Variants in COL24A1 observed in about 807,000 individuals in gnomAD.
COL24A1 encodes the protein collagen alpha-1(XXIV) chain.
Under a neutral mutation model 253.9 loss-of-function variants are expected in COL24A1, and 224 were observed. That is an observed-to-expected ratio of 0.88 (90% CI 0.79 to 0.99). The LOEUF (loss-of-function observed/expected upper bound fraction) is 0.99, where lower values mean the gene tolerates loss of function less well. Ranked by LOEUF, COL24A1 falls within the 50% of genes least tolerant of loss-of-function variation. The pLI is 0.00. For missense variants in COL24A1, 2,131 were observed against 2,068.5 expected (o/e 1.03, Z -0.59); for synonymous variants, 685 against 673.7 (o/e 1.02, Z -0.26).
intron 2 of COL24A1, among the ~76,000 whole-genome samples, chr1:86,143,410 G>A (rs1048806357): frequency 2.0e-5 from 3 of 151,962 alleles, no homozygotes; most frequent in Non-Finnish European, 4.4e-5. Context: ...AGAACATAAA[G>A]CAAACAGAAA....
chr1:85,971,114 C>T (rs625872), intron 21 of COL24A1, among the ~76,000 whole-genome samples: 113,330 of 151,848 alleles, frequency 0.75, 43,229 homozygotes, highest in African/African-American at 0.9. Context: ...GAGGGTGAGG[C>T]AGGAGGATTG....
Position 85,950,067 on chromosome 1 carries a change from A to T in COL24A1, c.2562+11182T>A, listed in dbSNP as rs575882464. 5.7e-4 allele frequency among the ~76,000 whole-genome samples: 87 copies of T among 152,318 alleles called. 1 individual carries two copies. The Middle Eastern group carries it at 0.017, about 30-fold the overall frequency. ...CTCCACATTATTCAAGGTCCTGCTC[A>T]AGAGCTGACTCTTCTTCAAAGCCCT... On this transcript the variant is annotated intron_variant, in intron 24 of 59. Transcript: ENST00000370571.
In COL24A1 at chr1:86,033,895, CCT is replaced by C; in HGVS notation, c.1977_1978del (p.Gly660ProfsTer5). The C allele has an allele frequency of 1.3e-6, 2 of 1,597,046 alleles. No individual in the cohort carries two copies. Among genetic ancestry groups the C allele is most frequent in the Non-Finnish European group, 1.7e-6 (2 of 1,173,138 alleles). On this transcript the variant is annotated frameshift_variant, in exon 13 of 60. Coordinates refer to ENST00000370571, the MANE Select transcript of COL24A1 (RefSeq NM_152890.7). LOFTEE classifies it high-confidence loss of function. ...AGGACTGCCATCAAGACCAGCAGGG[CCT>C]CTGTCTCCAAAGTCACCTGGAAAAC...
intron 57 of COL24A1, among the ~76,000 whole-genome samples, chr1:85,743,040 CCT>C (rs967996325): frequency 6.6e-6 from 1 of 152,078 alleles, no homozygotes; most frequent in African/African-American, 2.4e-5. Context: ...TACCTCTACC[CCT>C]GTCTTCCTGA....
rs139627267 is a variant in COL24A1, at chr1:86,125,373, A to G, written c.963T>C (p.Asn321=). ...RSQLSSLQSG[N]VSAVDLTNHG... ...GGTTTGTGAGATCCACAGCAGAGAC[A>G]TTTCCTGACTGAAGAGAAGATAACT... The change falls in exon 3 of 60, where the codon AAT becomes AAC. Residue 321 remains asparagine, a synonymous_variant. Transcript: ENST00000370571. 12 of 1,613,668 alleles carry G rather than the reference A, an allele frequency of 7.4e-6. No homozygotes were observed. The African/African-American group carries it at 1.2e-4, about 16-fold the overall frequency.
chr1:85,968,011 G>A (rs143718791), intron 22 of COL24A1, among the ~76,000 whole-genome samples: 164 of 152,230 alleles, frequency 1.1e-3, no homozygotes, highest in Middle Eastern at 3.4e-3. Context: ...TATAAAGCAG[G>A]CAGAAACATG....
At chr1:85,967,883 T>G (rs1003553366) in intron 22 of COL24A1, among the ~76,000 whole-genome samples, 1 of 152,208 alleles carries the variant, frequency 6.6e-6, no homozygotes, top group African/African-American at 2.4e-5. Context: ...TACAAAGTAT[T>G]GATCCTGGGT....
At chr1:85,742,160 G>T (rs1428244615) in intron 57 of COL24A1, among the ~76,000 whole-genome samples, 1 of 139,714 alleles carries the variant, frequency 7.2e-6, no homozygotes. Context: ...TTGAGACAGA[G>T]TCTCACTCTG....
chr1:85,842,001 T>C (rs1398562284), intron 41 of COL24A1, 67 bp downstream of exon 41: 5 of 1,389,886 alleles, frequency 3.6e-6, no homozygotes, highest in Non-Finnish European at 5.1e-6. Flanking sequence ...TTCCATGCAG[T>C]CTTTCAGGAA....
chr1:85,851,722 C>T (rs569596118), intron 37 of COL24A1, among the ~76,000 whole-genome samples: 2 of 152,112 alleles, frequency 1.3e-5, no homozygotes, highest in African/African-American at 2.4e-5. Context: ...ATCTATATCT[C>T]TATGTGAATT....
intron 52 of COL24A1, among the ~76,000 whole-genome samples, chr1:85,780,762 T>C (rs543476416): frequency 6.6e-6 from 1 of 152,338 alleles, no homozygotes; most frequent in East Asian, 1.9e-4. Context: ...CTGTATCTTC[T>C]ACTGCAATTT....
intron 20 of COL24A1, among the ~76,000 whole-genome samples, chr1:85,979,617 CT>C (rs1161815281): frequency 1.3e-5 from 2 of 151,834 alleles, no homozygotes; most frequent in Non-Finnish European, 1.5e-5. Flanking sequence ...GTATACAACC[CT>C]CCTAGATTAA....
At chr1:85,762,583 T>C (rs575216292) in intron 53 of COL24A1, among the ~76,000 whole-genome samples, 2 of 152,322 alleles carry the variant, frequency 1.3e-5, no homozygotes, top group South Asian at 4.1e-4. Context: ...TTTAACATCA[T>C]CCATTCATTT....
intron 12 of COL24A1, among the ~76,000 whole-genome samples, chr1:86,040,698 C>T (rs1170111912): frequency 6.6e-6 from 1 of 151,992 alleles, no homozygotes; most frequent in African/African-American, 2.4e-5. Context: ...CCCTGTCATA[C>T]TACAGTTAGC....
chr1:85,741,118 C>CA (rs570264288), intron 57 of COL24A1, among the ~76,000 whole-genome samples: 2,204 of 84,922 alleles, frequency 0.026, 33 homozygotes, highest in African/African-American at 0.064. Context: ...AACTCTGCCT[C>CA]AAAAAAAAAA....
chr1:85,959,041 A>G (rs1420548688), intron 24 of COL24A1, among the ~76,000 whole-genome samples: 1 of 152,140 alleles, frequency 6.6e-6, no homozygotes, highest in Non-Finnish European at 1.5e-5. Context: ...TAATGACTAT[A>G]CAAAAAGATT....
chr1:86,022,384 T>C, intron 17 of COL24A1, 91 bp from the exon 18 acceptor site: 1 of 1,405,878 alleles, frequency 7.1e-7, no homozygotes, highest in Non-Finnish European at 1.0e-6. Flanking sequence ...TTTCATAAAG[T>C]ATGCTAAAAT....
chr1:86,026,857 C>G (rs1698081224), intron 14 of COL24A1, among the ~76,000 whole-genome samples: 2 of 152,116 alleles, frequency 1.3e-5, no homozygotes, highest in African/African-American at 4.8e-5. Context: ...TGGCTTTTAT[C>G]AAAATCCTGA....
intron 7 of COL24A1, among the ~76,000 whole-genome samples, chr1:86,072,170 C>A (rs551274048): frequency 3.9e-4 from 59 of 152,274 alleles, no homozygotes; most frequent in African/African-American, 1.4e-3. Context: ...ACTGTTCACT[C>A]CCCTGGAAAG....
Sources: gnomAD v4.1 joint callset for allele counts (sites outside exome capture counted in the v4.1 genomes callset) on GRCh38, gnomAD v4.1.1 for gene constraint, MANE v1.5 for transcripts, NCBI Gene and HGNC (gene_info 2026-07-23, HGNC 2026-07-21) for gene names.